Variants in PCNX2 observed in about 807,000 individuals in gnomAD.
The protein encoded by PCNX2 is pecanex 2.
A neutral mutation model predicts 223.8 loss-of-function variants in PCNX2; 168 were observed. The observed-to-expected ratio is 0.75, with a 90% CI of 0.66 to 0.85. PCNX2 has a LOEUF of 0.85. Among genes scored for constraint, PCNX2 ranks in the 40% least tolerant of loss-of-function variants. PCNX2 has a pLI of 0.00. For missense variants in PCNX2, 2,507 were observed against 2,675.5 expected (o/e 0.94, Z 1.39); for synonymous variants, 1,006 against 1,052.6 (o/e 0.96, Z 0.86).
In PCNX2 at chr1:233,160,441, A is replaced by C. The variant is rs776736470; in HGVS notation, c.3367-8T>G. 22 of 1,612,650 alleles carry C rather than the reference A, an allele frequency of 1.4e-5. No homozygotes were observed. The highest frequency in any genetic ancestry group is 3.3e-5 in the Admixed American group (2 of 59,968). On this transcript the variant is annotated splice_region_variant and splice_polypyrimidine_tract_variant and intron_variant, in intron 18 of 33. Coordinates refer to ENST00000258229, the MANE Select transcript of PCNX2 (RefSeq NM_014801.4). ...CACGATGCTGAGAAATGGCTGCGAT[A>C]AAAATGGGCAGAATCTCATTACTTA...
intron 1 of PCNX2, among the ~76,000 whole-genome samples, chr1:233,266,550 G>T (rs757333684): frequency 2.6e-5 from 4 of 152,086 alleles, no homozygotes; most frequent in Non-Finnish European, 5.9e-5. Flanking sequence ...AAGACCTCTA[G>T]CTTCCAGTAT....
intron 23 of PCNX2, among the ~76,000 whole-genome samples, chr1:233,068,949 C>T (rs1306170589): frequency 6.6e-6 from 1 of 151,998 alleles, no homozygotes; most frequent in Non-Finnish European, 1.5e-5. Flanking sequence ...AATATTCTTA[C>T]TTACAAGAAA....
At chr1:233,291,782 T>G in intron 1 of PCNX2, 1 of 983,172 alleles carries the variant, frequency 1.0e-6, no homozygotes, top group Non-Finnish European at 1.2e-6. Flanking sequence ...AAAACACATG[T>G]AATAAGTGAC....
chr1:233,272,458 T>C (rs531849295), intron 1 of PCNX2, among the ~76,000 whole-genome samples: 14 of 152,266 alleles, frequency 9.2e-5, no homozygotes, highest in African/African-American at 2.9e-4. Context: ...ACCTTACTCC[T>C]GCAAGAATGG....
chr1:233,153,038 A>G (rs369642277), intron 19 of PCNX2, among the ~76,000 whole-genome samples: 5 of 152,220 alleles, frequency 3.3e-5, no homozygotes, highest in Non-Finnish European at 7.3e-5. Flanking sequence ...TAAACTTCCC[A>G]AAAGCTTTCT....
In PCNX2 at chr1:233,139,191, G is replaced by T. The variant is rs890330449; in HGVS notation, c.3659+523C>A. 5.3e-5 allele frequency among the ~76,000 whole-genome samples: 8 copies of T among 152,124 alleles called. No homozygotes were observed. Among genetic ancestry groups the T allele is most frequent in the Non-Finnish European group, 1.0e-4 (7 of 68,038 alleles). On this transcript the variant is annotated intron_variant, in intron 20 of 33. Transcript: ENST00000258229. This position sits in a 1 kb window ranked among gnomAD's most constrained non-coding sequence, Gnocchi z 4.4. ...GAAACCAATAACTCGACTGTACATT[G>T]TTAATGCTTTGAAAGACATGGGCAT...
chr1:233,031,057 C>T (rs560940220), intron 25 of PCNX2, among the ~76,000 whole-genome samples: 45 of 152,300 alleles, frequency 3.0e-4, no homozygotes, highest in African/African-American at 1.1e-3. Context: ...CACCTCTGGG[C>T]AGAAAGTGGA....
chr1:233,315,371 GTCTTTC>G, the PCNX2 span, among the ~76,000 whole-genome samples: 1 of 152,190 alleles, frequency 6.6e-6, no homozygotes, highest in South Asian at 2.1e-4. Flanking sequence ...GATTTATTTA[GTCTTTC>G]TCTTCTGAGA....
chr1:233,132,776 C>G (rs1000384635), intron 21 of PCNX2, among the ~76,000 whole-genome samples: 2 of 152,026 alleles, frequency 1.3e-5, no homozygotes, highest in African/African-American at 2.4e-5. Context: ...AATGACTTGC[C>G]ATTATTATTT....
chr1:233,120,164 C>CAAAAAAAAA (rs1228898502), intron 21 of PCNX2, among the ~76,000 whole-genome samples: 40 of 42,594 alleles, frequency 9.4e-4, no homozygotes, highest in Non-Finnish European at 1.1e-3. Context: ...GACTCCATTT[C>CAAAAAAAAA]AAAAAAAAAA....
At chr1:233,293,759 A>G (rs552769697) in intron 1 of PCNX2, among the ~76,000 whole-genome samples, 14 of 152,334 alleles carry the variant, frequency 9.2e-5, no homozygotes, top group African/African-American at 3.1e-4. Flanking sequence ...TATTCACCCT[A>G]TAAGGGAGGT....
intron 23 of PCNX2, among the ~76,000 whole-genome samples, chr1:233,083,405 C>T (rs948562267): frequency 6.6e-6 from 1 of 152,128 alleles, no homozygotes; most frequent in East Asian, 1.9e-4. Context: ...CACAAGGAGC[C>T]GATTCAACTC....
intron 15 of PCNX2, among the ~76,000 whole-genome samples, chr1:233,197,155 A>C (rs1680784143): frequency 6.6e-6 from 1 of 152,180 alleles, no homozygotes; most frequent in Admixed American, 6.5e-5. Flanking sequence ...ACATTTTTTG[A>C]GTTGGTGAAA....
At chr1:233,150,978 T>C (rs1240611328) in intron 19 of PCNX2, among the ~76,000 whole-genome samples, 1 of 152,230 alleles carries the variant, frequency 6.6e-6, no homozygotes, top group African/African-American at 2.4e-5. Context: ...TGAAGAGGGC[T>C]AGGAGAGAAT....
chr1:233,309,056 TCAGA>T, the PCNX2 span, among the ~76,000 whole-genome samples: 2 of 151,862 alleles, frequency 1.3e-5, no homozygotes, highest in Admixed American at 6.5e-5. Flanking sequence ...CAAAAGTTCC[TCAGA>T]CAAACAGGAA....
At chr1:233,097,303 GA>G (rs1674230299) in intron 21 of PCNX2, among the ~76,000 whole-genome samples, 1 of 144,986 alleles carries the variant, frequency 6.9e-6, no homozygotes, top group African/African-American at 2.5e-5. Context: ...GAGAGGGAAA[GA>G]AAAAAATAGG....
At chr1:233,117,737 G>T (rs953613145) in intron 21 of PCNX2, among the ~76,000 whole-genome samples, 31 of 151,592 alleles carry the variant, frequency 2.0e-4, no homozygotes, top group Admixed American at 2.0e-3. Flanking sequence ...TAGGCCAGGC[G>T]CGGTGGCTCA....
At chr1:233,016,303 G>C (rs1394410887) in intron 27 of PCNX2, among the ~76,000 whole-genome samples, 1 of 152,182 alleles carries the variant, frequency 6.6e-6, no homozygotes, top group Non-Finnish European at 1.5e-5. Context: ...ACAACCCATG[G>C]ACTCAGCTTT....
chr1:233,161,693 A>C (rs1678493225), intron 17 of PCNX2, among the ~76,000 whole-genome samples: 1 of 152,100 alleles, frequency 6.6e-6, no homozygotes, highest in Non-Finnish European at 1.5e-5. Flanking sequence ...CTTGTATCTG[A>C]TCTGTGTTTC....
Sources: allele counts gnomAD v4.1 joint callset (sites outside exome capture counted in the v4.1 genomes callset), GRCh38; gene constraint gnomAD v4.1.1; non-coding constraint Gnocchi (gnomAD v3.1); transcripts MANE v1.5; gene names NCBI Gene and HGNC (gene_info 2026-07-23, HGNC 2026-07-21).